Variants in POM121 observed in about 807,000 individuals in gnomAD.
POM121 encodes the protein nuclear envelope pore membrane protein POM 121.
POM121 carries 32 observed loss-of-function variants against 81.3 expected under a neutral mutation model. The ratio of observed to expected loss-of-function variants is 0.39; its 90% CI spans 0.30 to 0.53. The LOEUF (loss-of-function observed/expected upper bound fraction) is 0.53. Ranked by LOEUF, POM121 falls within the 20% of genes least tolerant of loss-of-function variation. POM121 has a pLI of 0.66. For synonymous variants in POM121, 514 were observed against 694.2 expected, an observed-to-expected ratio of 0.74 and a Z score of 4.08; for missense variants, 1,138 against 1,614.6, an observed-to-expected ratio of 0.70 and a Z score of 5.06.
At chr7:72,903,243 C>G (rs1232144097) in intron 3 of POM121, among the ~76,000 whole-genome samples, 1 of 152,168 alleles carries the variant, frequency 6.6e-6, no homozygotes, top group African/African-American at 2.4e-5. Context: ...CAAGACCAGT[C>G]TGGCCAACAT....
chr7:72,934,806 A>G (rs1261918845), intron 5 of POM121, among the ~76,000 whole-genome samples: 3 of 152,024 alleles, frequency 2.0e-5, no homozygotes, highest in Non-Finnish European at 2.9e-5. Context: ...TCTCTGCAGC[A>G]CCGTCTTTGT....
downstream of POM121, chr7:72,949,131 G>C: frequency 7.0e-7 from 1 of 1,436,058 alleles, no homozygotes; most frequent in African/African-American, 1.4e-5. Flanking sequence ...CGGTTACACA[G>C]CTTCACAGGC....
intron 1 of POM121, among the ~76,000 whole-genome samples, chr7:72,889,083 T>A (rs1186337898): frequency 6.6e-6 from 1 of 152,226 alleles, no homozygotes; most frequent in African/African-American, 2.4e-5. Flanking sequence ...TTTGTATTGA[T>A]GTAAGTGGTA....
chr7:72,918,458 C>T (rs1794499069), intron 4 of POM121, among the ~76,000 whole-genome samples: 1 of 152,106 alleles, frequency 6.6e-6, no homozygotes, highest in Admixed American at 6.6e-5. Flanking sequence ...CTCCTCAGCT[C>T]CTATCTCTGT....
At chr7:72,917,966 C>T (rs1300791117) in intron 4 of POM121, among the ~76,000 whole-genome samples, 2 of 152,050 alleles carry the variant, frequency 1.3e-5, no homozygotes, top group African/African-American at 4.8e-5. Context: ...GCCTGGCAGC[C>T]GAGTCAGAGA....
intron 3 of POM121, among the ~76,000 whole-genome samples, chr7:72,909,737 C>T (rs1309233846): frequency 6.6e-6 from 1 of 152,188 alleles, no homozygotes; most frequent in Non-Finnish European, 1.5e-5. Context: ...CAGCTGTAAC[C>T]TCCCAGACTC....
chr7:72,949,846 C>T (rs782451056), downstream of POM121: 3 of 1,524,898 alleles, frequency 2.0e-6, no homozygotes, highest in East Asian at 2.3e-5. Context: ...TGGCACTCAC[C>T]CTTGGTTCTT....
chr7:72,892,497 T>C (rs1791398053), intron 3 of POM121, among the ~76,000 whole-genome samples: 1 of 152,250 alleles, frequency 6.6e-6, no homozygotes, highest in African/African-American at 2.4e-5. Context: ...CTGTTTCTTT[T>C]GACATTAGTG....
intron 4 of POM121, among the ~76,000 whole-genome samples, chr7:72,915,896 C>T (rs1240717634): frequency 6.6e-6 from 1 of 152,204 alleles, no homozygotes; most frequent in African/African-American, 2.4e-5. Context: ...TCTTGAACTC[C>T]TGAGCTCAGG....
rs183515225 is a variant in POM121, at chr7:72,879,837, C to T, written c.-569C>T. The T allele has an allele frequency of 6.5e-3, 3,302 of 509,438 alleles. 80 individuals carry two copies. The highest frequency in any genetic ancestry group is 0.055 in the African/African-American group (2,859 of 51,840). The allele number at this position is 509,438 out of a possible 1,614,324, so 31.6% of individuals were successfully genotyped here. On this transcript the variant is annotated 5_prime_UTR_variant, in exon 1 of 16. Coordinates refer to the POM121 transcript ENST00000395270. ...CGCGCGCGCCAGCGACAGCAGCCCG[C>T]CCCGGCCTCTCGGGAGCCGTGGGGC...
intron 12 of POM121, 59 bp downstream of exon 12, chr7:72,945,767 TG>T (rs1797629095): frequency 6.4e-7 from 1 of 1,562,744 alleles, no homozygotes; most frequent in Non-Finnish European, 8.7e-7. Flanking sequence ...TTGGGCGGGG[TG>T]GCAGGTTCCT....
intron 5 of POM121, among the ~76,000 whole-genome samples, chr7:72,934,323 G>A (rs551764339): frequency 6.6e-6 from 1 of 152,256 alleles, no homozygotes; most frequent in South Asian, 2.1e-4. Flanking sequence ...GACCTCAGGT[G>A]ATCCGTCCGC....
chr7:72,902,266 T>C (rs1392533588), intron 3 of POM121, among the ~76,000 whole-genome samples: 2 of 147,532 alleles, frequency 1.4e-5, no homozygotes, highest in Non-Finnish European at 3.0e-5. Context: ...TTTTTTTTTT[T>C]TTTTTTTTGA....
intron 3 of POM121, among the ~76,000 whole-genome samples, chr7:72,909,766 A>C (rs534879944): frequency 6.6e-6 from 1 of 152,088 alleles, no homozygotes; most frequent in East Asian, 1.9e-4. Flanking sequence ...CTTCTTCTCA[A>C]CCTCCTGAGT....
intron 11 of POM121, among the ~76,000 whole-genome samples, chr7:72,944,689 G>A (rs1178284189): frequency 3.3e-5 from 5 of 152,128 alleles, no homozygotes; most frequent in East Asian, 3.9e-4. Flanking sequence ...GTGCAGGAGT[G>A]GAGAGCGGGT....
chr7:72,928,593 T>C, intron 4 of POM121, 128 bp downstream of exon 4: 2 of 1,143,228 alleles, frequency 1.7e-6, no homozygotes, highest in South Asian at 1.4e-5. Flanking sequence ...GTCTTTGAAA[T>C]TAGGAACGTT....
chr7:72,882,302 A>G (rs1273094407), intron 1 of POM121, among the ~76,000 whole-genome samples: 1 of 152,190 alleles, frequency 6.6e-6, no homozygotes, highest in Non-Finnish European at 1.5e-5. Context: ...CCATCACCAG[A>G]GCAGAAGGAA....
upstream of POM121, among the ~76,000 whole-genome samples, chr7:72,920,298 T>C (rs1226693795): frequency 1.4e-4 from 21 of 151,976 alleles, no homozygotes; most frequent in Admixed American, 6.6e-5. Context: ...AGTAATACGA[T>C]GTCAGGATGC....
In POM121 at chr7:72,925,493, C is replaced by A; in HGVS notation, c.372C>A (p.Thr124=). ...ACGGAAACCTCCTAGAGCCGCGGAC[C>A]CTGCTCGAAGGACCTGACCCTGCGG... ...TANGNLLEPR[T]LLEGPDPAEL... is the part of the protein sequence containing the mutation. Residue 124 remains threonine (T), a synonymous_variant, in exon 1 of 13, where the codon ACC becomes ACA. Transcript: ENST00000434423. 1 of 1,533,686 alleles carries A rather than the reference C, an allele frequency of 6.5e-7. No homozygotes were observed. The highest frequency in any genetic ancestry group is 1.2e-5 in the South Asian group (1 of 83,970).
Sources: gnomAD v4.1 joint callset for allele counts (sites outside exome capture counted in the v4.1 genomes callset) on GRCh38, gnomAD v4.1.1 for gene constraint, MANE v1.5 for transcripts, NCBI Gene and HGNC (gene_info 2026-07-23, HGNC 2026-07-21) for gene names.